ZKSCAN1: variants seen among roughly 807,000 people sequenced by gnomAD.
The protein encoded by ZKSCAN1 is zinc finger with KRAB and SCAN domains 1.
A neutral mutation model predicts 51.6 loss-of-function variants in ZKSCAN1; 14 were observed. That is an observed-to-expected ratio of 0.27 (90% confidence interval 0.18 to 0.42). The LOEUF (loss-of-function observed/expected upper bound fraction) is 0.42. ZKSCAN1 is among the 10% of genes least tolerant of loss of function. ZKSCAN1 has a pLI of 1.00. For missense variants in ZKSCAN1, 531 were observed against 710.0 expected, an observed-to-expected ratio of 0.75 and a Z score of 2.86; for synonymous variants, 263 against 261.5, an observed-to-expected ratio of 1.01 and a Z score of -0.06.
chr7:100,024,203 C>T lies in ZKSCAN1; in HGVS notation c.476C>T (p.Pro159Leu). ...GAGATGCTCGCAAGGGGGATGGTGC[C>T]TCTGGATCCAGTTCAGGAGTCCTCG... is the stretch of plus-strand genomic sequence containing the variant. ...GPEMLARGMV[P>L]LDPVQESSSF... Residue 159 changes from proline to leucine, a missense_variant, in exon 3 of 6, where the codon CCT (proline) becomes CTT (leucine). By Grantham distance (98) the Pro-to-Leu change is moderately conservative. This residue lies in a region of ZKSCAN1 where 403 missense variants were observed against 490.5 expected (regional missense o/e 0.82). Coordinates refer to ENST00000324306, the MANE Select transcript of ZKSCAN1 (RefSeq NM_003439.4). 1 of 1,614,088 alleles carries T rather than the reference C, an allele frequency of 6.2e-7. No individual in the cohort carries two copies. The highest frequency in any genetic ancestry group is 8.5e-7 in the Non-Finnish European group (1 of 1,180,034).
At position 100,038,052 on chromosome 7, in the gene ZKSCAN1, C is replaced by G. The variant is rs1791438785; in HGVS notation, c.*3855C>G. On this transcript the variant is annotated 3_prime_UTR_variant, in exon 6 of 6. Coordinates refer to ENST00000324306, the MANE Select transcript of ZKSCAN1 (RefSeq NM_003439.4). ...AAAAAGTTGCGGGGGGGTGCTCAAT[C>G]TTAACTGCAGAGGATCTACAGATGA... 1 of 984,870 alleles carries G rather than the reference C, an allele frequency of 1.0e-6. No individual in the cohort carries two copies. The highest frequency in any genetic ancestry group is 1.8e-5 in the African/African-American group (1 of 57,082). The allele number at this position is 984,870 out of a possible 1,614,324, so 61.0% of individuals were successfully genotyped here.
In ZKSCAN1 at chr7:100,041,306, A is replaced by G. The variant is rs966643041; in HGVS notation, c.*7109A>G. The stretch of plus-strand genomic sequence containing the variant: ...GTTCCGAAGAGTCCAGATGCTTGGT[A>G]GATGTTCAATACGTGATTTTTTTTT... On this transcript the variant is annotated 3_prime_UTR_variant, in exon 6 of 6. Coordinates refer to ENST00000324306, the MANE Select transcript of ZKSCAN1 (RefSeq NM_003439.4). The G allele has an allele frequency of 7.1e-6, 7 of 984,840 alleles. No individual in the cohort carries two copies. The African/African-American group carries it at 1.0e-4, about 15-fold the overall frequency. 61.0% of individuals were successfully genotyped at this position (984,840 alleles called of 1,614,324 possible). A position where few individuals can be genotyped will look rare whatever the true frequency, so the allele number is the denominator to read the frequency against.
rs898136745 is a variant in ZKSCAN1 at position 100,038,036 on chromosome 7, CG to C, written c.*3846del. ...GGCTCTGTATCAAAAAAAAAAGTTGCGGGGGGGTGCTCAATCTTAACTGCAG... is the reference window on the plus strand; with the variant it reads ...GGCTCTGTATCAAAAAAAAAAGTTGCGGGGGGTGCTCAATCTTAACTGCAG... On this transcript the variant is annotated 3_prime_UTR_variant, in exon 6 of 6. Coordinates refer to ENST00000324306, the MANE Select transcript of ZKSCAN1 (RefSeq NM_003439.4). 7 of 984,158 alleles carry C rather than the reference CG, an allele frequency of 7.1e-6. No homozygotes were observed. The highest frequency in any genetic ancestry group is 6.2e-5 in the Admixed American group (1 of 16,128). 61.0% of individuals were successfully genotyped at this position (984,158 alleles called of 1,614,324 possible). A position where few individuals can be genotyped will look rare whatever the true frequency, so the allele number is the denominator to read the frequency against.
At chr7:100,042,707 CATGTGT>C (rs1562837722), downstream of ZKSCAN1, among the ~76,000 whole-genome samples, 1 of 147,234 alleles carries the variant, frequency 6.8e-6, no homozygotes, top group African/African-American at 2.6e-5. Flanking sequence ...TATATATACA[CATGTGT>C]ATGTGTATAT....
At position 100,023,412 on chromosome 7, in the gene ZKSCAN1, A is replaced by T; in HGVS notation, c.-88-7A>T. 7.2e-7 allele frequency: 1 copy of T among 1,385,154 alleles called. No individual in the cohort carries two copies. Among genetic ancestry groups the T allele is most frequent in the Non-Finnish European group, 9.8e-7 (1 of 1,021,160 alleles). 85.8% of individuals were successfully genotyped at this position (1,385,154 alleles called of 1,614,324 possible). ...TACGTACTAATGACTTTTTTTTTAT[A>T]CTTCAGGAATAGTAAAGAAACACAT... On this transcript the variant is annotated splice_polypyrimidine_tract_variant and splice_region_variant and intron_variant, in intron 1 of 5. Coordinates refer to ENST00000324306, the MANE Select transcript of ZKSCAN1 (RefSeq NM_003439.4).
chr7:100,036,359 A>G lies in ZKSCAN1; in HGVS notation c.*2162A>G. The stretch of plus-strand genomic sequence containing the variant: ...ATGTTTTAAGGATTTTCTTCAAAGA[A>G]TAAGCCACAGCAATGGTTTTGTAGA... On this transcript the variant is annotated 3_prime_UTR_variant, in exon 6 of 6. Coordinates refer to ENST00000324306, the MANE Select transcript of ZKSCAN1 (RefSeq NM_003439.4). 1 of 985,460 alleles carries G rather than the reference A, an allele frequency of 1.0e-6. No individual in the cohort carries two copies. The highest frequency in any genetic ancestry group is 1.1e-4 in the East Asian group (1 of 8,818). 61.0% of individuals were successfully genotyped at this position (985,460 alleles called of 1,614,324 possible). A position where few individuals can be genotyped will look rare whatever the true frequency, so the allele number is the denominator to read the frequency against.
In ZKSCAN1 at chr7:100,023,567, G is replaced by T. The variant is rs751949376; in HGVS notation, c.61G>T (p.Asp21Tyr). The T allele has an allele frequency of 1.2e-6, 2 of 1,613,690 alleles. No homozygotes were observed. Among genetic ancestry groups the T allele is most frequent in the Non-Finnish European group, 1.7e-6 (2 of 1,180,058 alleles). ...GTCCCCACAGGCTGCACAGGAGAAG[G>T]ATGGTATCGTAATAGTGAAGGTGGA... The part of the protein sequence containing the change: ...GLSPQAAQEK[D>Y]GIVIVKVEEE... Residue 21 changes from aspartate to tyrosine, a missense_variant, in exon 2 of 6, where the codon GAT becomes TAT. By Grantham distance (160) the Asp-to-Tyr change is radical. This residue lies in a region of ZKSCAN1 where 403 missense variants were observed against 490.5 expected (regional missense o/e 0.82). Coordinates refer to ENST00000324306, the MANE Select transcript of ZKSCAN1 (RefSeq NM_003439.4).
chr7:100,026,116 A>G (rs1255931754), intron 3 of ZKSCAN1, among the ~76,000 whole-genome samples: 1 of 150,358 alleles, frequency 6.7e-6, no homozygotes, highest in Non-Finnish European at 1.5e-5. Flanking sequence ...GCTACTCAGG[A>G]GGCTGAGGCA....
At chr7:100,022,788 T>TG (rs1790645119) in intron 1 of ZKSCAN1, among the ~76,000 whole-genome samples, 1 of 152,158 alleles carries the variant, frequency 6.6e-6, no homozygotes, top group Non-Finnish European at 1.5e-5. Flanking sequence ...AGATGGTGCG[T>TG]GTACTGCTTT....
At position 100,036,134 on chromosome 7, in the gene ZKSCAN1, T is replaced by G. The variant is rs1218187055; in HGVS notation, c.*1937T>G. 16 of 985,298 alleles carry G rather than the reference T, an allele frequency of 1.6e-5. No individual in the cohort carries two copies. Among genetic ancestry groups the G allele is most frequent in the Non-Finnish European group, 1.8e-5 (15 of 829,928 alleles). 61.0% of individuals were successfully genotyped at this position (985,298 alleles called of 1,614,324 possible). A position where few individuals can be genotyped will look rare whatever the true frequency, so the allele number is the denominator to read the frequency against. On this transcript the variant is annotated 3_prime_UTR_variant, in exon 6 of 6. Transcript: ENST00000324306. ...CGAAGTGGGAGCTAAAACTGCACAG[T>G]GGTCATTCTTTGGCCTCTCCTTGGC...
chr7:100,015,937 C>A (rs1217588782), intron 1 of ZKSCAN1, among the ~76,000 whole-genome samples: 1 of 152,122 alleles, frequency 6.6e-6, no homozygotes, highest in Non-Finnish European at 1.5e-5. Context: ...CAGGATCAGG[C>A]GGGGAGGGGG....
At chr7:100,016,555 AAACT>A (rs1310153349) in intron 1 of ZKSCAN1, among the ~76,000 whole-genome samples, 1 of 152,194 alleles carries the variant, frequency 6.6e-6, no homozygotes, top group African/African-American at 2.4e-5. Flanking sequence ...TCATCAATAA[AAACT>A]AACTGGATTT....
intron 1 of ZKSCAN1, among the ~76,000 whole-genome samples, chr7:100,020,155 A>G (rs1482123708): frequency 2.0e-5 from 3 of 152,248 alleles, no homozygotes; most frequent in Non-Finnish European, 4.4e-5. Flanking sequence ...TTGAACAGTG[A>G]TAAGAGGCAA....
In ZKSCAN1 at chr7:100,024,305, G is replaced by A. The variant is rs148037051; in HGVS notation, c.578G>A (p.Arg193Gln). The A allele has an allele frequency of 5.3e-5, 86 of 1,613,954 alleles. No homozygotes were observed. The African/African-American group carries it at 6.7e-4, about 13-fold the overall frequency. The part of the protein sequence containing the change: ...SSRKPRLLQS[R>Q]ALPAAHIPAP... ...CGGAAACCCCGCCTCTTACAGTCAC[G>A]AGGTAAGAAGCAAGGTTTCATTTAG... The change falls in exon 3 of 6, where the codon CGA (arginine) becomes CAA (glutamine). Residue 193 changes from arginine (R) to glutamine (Q), a missense_variant and splice_region_variant. By Grantham distance (43) the Arg-to-Gln change is conservative. Around this residue, in one of 2 missense-constraint regions of ZKSCAN1, gnomAD observed 403 missense variants for 490.5 expected, o/e 0.82. Transcript: ENST00000324306.
chr7:100,016,002 G>A (rs1373395587), intron 1 of ZKSCAN1, among the ~76,000 whole-genome samples: 1 of 152,198 alleles, frequency 6.6e-6, no homozygotes, highest in Non-Finnish European at 1.5e-5. Flanking sequence ...CCGTCTGTGG[G>A]CCCCTCTCCC....
Position 100,033,933 on chromosome 7 carries a change from C to T in ZKSCAN1, c.1428C>T (p.Leu476=), listed in dbSNP as rs1174938829. 1 of 1,614,066 alleles carries T rather than the reference C, an allele frequency of 6.2e-7. No homozygotes were observed. Among genetic ancestry groups the T allele is most frequent in the African/African-American group, 1.3e-5 (1 of 74,918 alleles). The change falls in exon 6 of 6, where the codon CTC becomes CTT. Residue 476 remains leucine, a synonymous_variant. Transcript: ENST00000324306. This position sits in a 1 kb window ranked among gnomAD's most constrained non-coding sequence, Gnocchi z 4.1. The stretch of plus-strand genomic sequence containing the variant: ...AGGCCTTCAGCCAGAGCTCGGACCT[C>T]ACCAAGCATCAGAGAATTCACACGG... The part of the protein sequence containing the change: ...CGKAFSQSSD[L]TKHQRIHTGE...
intron 5 of ZKSCAN1, among the ~76,000 whole-genome samples, chr7:100,030,972 T>C (rs1304518304): frequency 6.6e-6 from 1 of 152,154 alleles, no homozygotes; most frequent in Non-Finnish European, 1.5e-5. Context: ...GGGTCCTGGA[T>C]GTGTAGTAAG....
At chr7:100,025,090 C>A (rs2115864806) in intron 3 of ZKSCAN1, 1 of 151,700 alleles carries the variant, frequency 6.6e-6, no homozygotes, top group African/African-American at 2.4e-5. Flanking sequence ...GCGTAATGAA[C>A]CTGGTAGGCA....
intron 3 of ZKSCAN1, among the ~76,000 whole-genome samples, chr7:100,028,346 A>G (rs1305252635): frequency 8.6e-5 from 13 of 151,768 alleles, no homozygotes; most frequent in Non-Finnish European, 1.9e-4. Flanking sequence ...GCGAGACTCC[A>G]TCTCCAAAAA....
Sources: gnomAD v4.1 joint callset for allele counts (sites outside exome capture counted in the v4.1 genomes callset) on GRCh38, gnomAD v4.1.1 for gene constraint, gnomAD v4.1.1 regional missense constraint, Gnocchi (gnomAD v3.1) non-coding constraint, MANE v1.5 for transcripts, NCBI Gene and HGNC (gene_info 2026-07-23, HGNC 2026-07-21) for gene names.